Variants in SLC24A2 observed in about 807,000 individuals in gnomAD.
SLC24A2 encodes sodium/potassium/calcium exchanger 2.
A neutral mutation model predicts 62.0 loss-of-function variants in SLC24A2; 36 were observed. The observed-to-expected ratio is 0.58, with a 90% CI of 0.44 to 0.77. The LOEUF (loss-of-function observed/expected upper bound fraction) is 0.77. Among genes scored for constraint, SLC24A2 ranks in the 30% least tolerant of loss-of-function variants. The pLI is 0.00. For missense variants in SLC24A2, 846 were observed against 817.9 expected (o/e 1.03, Z -0.42); for synonymous variants, 358 against 294.0 (o/e 1.22, Z -2.23).
chr9:19,943,015 G>A, the SLC24A2 span, among the ~76,000 whole-genome samples: 1 of 152,140 alleles, frequency 6.6e-6, no homozygotes, highest in African/African-American at 2.4e-5. Flanking sequence ...TTCAGAAGCT[G>A]AAGAAATTAT....
Position 19,510,052 on chromosome 9 carries a change from T to C in SLC24A2, c.*6101A>G, listed in dbSNP as rs1832658809. The C allele has an allele frequency of 1.3e-5, 2 of 152,178 alleles. No individual in the cohort carries two copies. Among genetic ancestry groups the C allele is most frequent in the South Asian group, 4.1e-4 (2 of 4,830 alleles). The allele number at this position is 152,178 out of a possible 1,614,324, so 9.4% of individuals were successfully genotyped here. On this transcript the variant is annotated 3_prime_UTR_variant, in exon 11 of 11. Coordinates refer to ENST00000341998, the MANE Select transcript of SLC24A2 (RefSeq NM_020344.4). ...TCCTCTTGATAAATTAGTGGGTAAG[T>C]ACAGGCCCAGAGTTTTGGAGTAATC...
At chr9:19,592,511 T>C (rs63749679) in intron 5 of SLC24A2, among the ~76,000 whole-genome samples, 96,107 of 150,332 alleles carry the variant, frequency 0.64, 31,472 homozygotes, top group Non-Finnish European at 0.7. Context: ...CCTACCTACC[T>C]ACCTACCTAC....
the SLC24A2 span, among the ~76,000 whole-genome samples, chr9:19,856,861 C>A: frequency 6.6e-6 from 1 of 152,216 alleles, no homozygotes; most frequent in South Asian, 2.1e-4. Flanking sequence ...TCCCCCTCAT[C>A]TGGACAAATC....
the SLC24A2 span, among the ~76,000 whole-genome samples, chr9:20,055,243 A>G: frequency 3.9e-5 from 6 of 152,218 alleles, no homozygotes; most frequent in Non-Finnish European, 8.8e-5. Context: ...GGAGCACAAA[A>G]AAAGTCTTTA....
intron 4 of SLC24A2, among the ~76,000 whole-genome samples, chr9:19,607,494 T>A (rs994119209): frequency 2.0e-5 from 3 of 151,918 alleles, no homozygotes; most frequent in Non-Finnish European, 4.4e-5. Flanking sequence ...CCAAGGCAGG[T>A]GGATAACCTG....
chr9:20,279,971 C>A, the SLC24A2 span, among the ~76,000 whole-genome samples: 1 of 152,156 alleles, frequency 6.6e-6, no homozygotes, highest in Non-Finnish European at 1.5e-5. Context: ...ACTGAATGGT[C>A]CCATCTTTAA....
intron 2 of SLC24A2, among the ~76,000 whole-genome samples, chr9:19,654,506 G>A (rs1818889156): frequency 6.6e-6 from 1 of 152,082 alleles, no homozygotes; most frequent in Non-Finnish European, 1.5e-5. Context: ...GAATCTGGAG[G>A]TTCTCCTCCA....
chr9:19,810,600 T>C, the SLC24A2 span, among the ~76,000 whole-genome samples: 1 of 152,222 alleles, frequency 6.6e-6, no homozygotes, highest in African/African-American at 2.4e-5. Context: ...TCCAAGATGC[T>C]AACTTACTTT....
chr9:19,856,061 G>A, the SLC24A2 span, among the ~76,000 whole-genome samples: 299 of 152,032 alleles, frequency 2.0e-3, 2 homozygotes, highest in Non-Finnish European at 3.5e-3. Context: ...TCTTTCCTCT[G>A]TTTGGTCTAT....
the SLC24A2 span, among the ~76,000 whole-genome samples, chr9:20,254,437 G>A: frequency 0.19 from 28,310 of 152,198 alleles, 2,818 homozygotes; most frequent in African/African-American, 0.25. Context: ...CAACAAATGT[G>A]TTCAATAGCA....
intron 5 of SLC24A2, among the ~76,000 whole-genome samples, chr9:19,581,254 A>G (rs1331584296): frequency 6.6e-6 from 1 of 152,154 alleles, no homozygotes; most frequent in Admixed American, 6.5e-5. Context: ...ATCTTTCTGC[A>G]ATTGAGAAGG....
the SLC24A2 span, among the ~76,000 whole-genome samples, chr9:19,841,956 AG>A: frequency 6.6e-6 from 1 of 152,194 alleles, no homozygotes; most frequent in African/African-American, 2.4e-5. Flanking sequence ...CTCCTTATGA[AG>A]AATTATCTGT....
At chr9:19,630,545 C>T (rs1396699891) in intron 2 of SLC24A2, among the ~76,000 whole-genome samples, 1 of 152,036 alleles carries the variant, frequency 6.6e-6, no homozygotes, top group Non-Finnish European at 1.5e-5. Context: ...AGTCTTCTAG[C>T]TACAAACAAT....
chr9:19,587,833 A>G (rs1200732734), intron 5 of SLC24A2, among the ~76,000 whole-genome samples: 2 of 152,206 alleles, frequency 1.3e-5, no homozygotes, highest in East Asian at 3.8e-4. Context: ...CTACATATGC[A>G]ATGTGACAAA....
At chr9:19,672,583 G>A (rs1819451449) in intron 2 of SLC24A2, among the ~76,000 whole-genome samples, 1 of 146,296 alleles carries the variant, frequency 6.8e-6, no homozygotes, top group Admixed American at 6.7e-5. Context: ...CGGGGTCTGG[G>A]TTTGGCTTGC....
chr9:19,735,776 C>T (rs902135774), intron 2 of SLC24A2, among the ~76,000 whole-genome samples: 3 of 150,412 alleles, frequency 2.0e-5, no homozygotes, highest in African/African-American at 7.4e-5. Context: ...CCAAACACCG[C>T]ATGTTCTCAT....
At chr9:19,797,282 A>T in the SLC24A2 span, among the ~76,000 whole-genome samples, 1 of 152,186 alleles carries the variant, frequency 6.6e-6, no homozygotes, top group African/African-American at 2.4e-5. Flanking sequence ...TTCGATAAGT[A>T]TCTTTGAATT....
chr9:19,662,368 T>A (rs1235723539), intron 2 of SLC24A2, among the ~76,000 whole-genome samples: 1 of 152,200 alleles, frequency 6.6e-6, no homozygotes, highest in Non-Finnish European at 1.5e-5. Flanking sequence ...AGTAGCCATG[T>A]GTATTGGATA....
the SLC24A2 span, among the ~76,000 whole-genome samples, chr9:20,275,234 C>T: frequency 1.3e-5 from 2 of 152,060 alleles, no homozygotes; most frequent in African/African-American, 4.8e-5. Flanking sequence ...GAGAGAAGAC[C>T]TGCAGAGAAA....
Sources: allele counts gnomAD v4.1 joint callset (sites outside exome capture counted in the v4.1 genomes callset), GRCh38; gene constraint gnomAD v4.1.1; transcripts MANE v1.5; gene names NCBI Gene and HGNC (gene_info 2026-07-23, HGNC 2026-07-21).